Variants in RAPGEF3 observed in about 807,000 individuals in gnomAD.
RAPGEF3 encodes 9330170P05Rik.
A neutral mutation model predicts 129.8 loss-of-function variants in RAPGEF3; 103 were observed. The observed-to-expected ratio is 0.79, with a 90% CI of 0.68 to 0.93. The LOEUF is 0.93. RAPGEF3 is among the 40% of genes least tolerant of loss of function. The pLI, the probability that RAPGEF3 is intolerant of heterozygous loss-of-function variation, is 0.00. For synonymous variants in RAPGEF3, 436 were observed against 482.6 expected (o/e 0.90, Z 1.26); for missense variants, 1,117 against 1,207.4 (o/e 0.93, Z 1.11).
At chr12:47,753,600 G>A (rs1450202839) in intron 2 of RAPGEF3, among the ~76,000 whole-genome samples, 5 of 152,250 alleles carry the variant, frequency 3.3e-5, no homozygotes, top group African/African-American at 4.8e-5. Context: ...GCCAGACACA[G>A]AGCCCTGGAG....
rs763245654 is a variant in RAPGEF3, at chr12:47,751,770, G to C, written c.333C>G (p.Thr111=). 1 of 1,613,824 alleles carries C rather than the reference G, an allele frequency of 6.2e-7. No homozygotes were observed. Among genetic ancestry groups the C allele is most frequent in the African/African-American group, 1.3e-5 (1 of 74,932 alleles). ...GRQLHRHLLA[T]CPNLIRDRKY... ...TCCGGTCTCGGATGAGGTTTGGGCA[G>C]GTGGCCAGCAGATGCCGATGCAGCT... The change falls in exon 4 of 28, where the codon ACC becomes ACG. Residue 111 remains threonine, a synonymous_variant. Transcript: ENST00000449771.
chr12:47,750,584 C>T (rs1941687369), intron 6 of RAPGEF3, among the ~76,000 whole-genome samples, 159 bp from the exon 7 acceptor site: 1 of 152,292 alleles, frequency 6.6e-6, no homozygotes, highest in Middle Eastern at 3.4e-3. Context: ...CATGTGGCAG[C>T]GCTTGTGATG....
chr12:47,739,094 G>T, intron 24 of RAPGEF3, 49 bp downstream of exon 24: 1 of 1,443,774 alleles, frequency 6.9e-7, no homozygotes, highest in Non-Finnish European at 9.6e-7. Flanking sequence ...AATGGGGGAT[G>T]GAGGCAGGAA....
intron 16 of RAPGEF3, chr12:47,746,532 G>A (rs757673498): frequency 1.5e-5 from 10 of 647,546 alleles, no homozygotes; most frequent in East Asian, 1.5e-4. Context: ...CAGGAGCCCC[G>A]TGGGCCTCAG....
At chr12:47,757,168 A>G (rs11168228) in intron 2 of RAPGEF3, among the ~76,000 whole-genome samples, 52,153 of 151,630 alleles carry the variant, frequency 0.34, 9,430 homozygotes, top group South Asian at 0.53. Context: ...AAGCTAAGCT[A>G]CTCTATTTAG....
At chr12:47,744,339 T>G in intron 16 of RAPGEF3, 3 of 427,678 alleles carry the variant, frequency 7.0e-6, no homozygotes, top group South Asian at 4.1e-5. Flanking sequence ...TCCAGAGCAG[T>G]TCTAATATGA....
At chr12:47,754,893 C>T (rs1158080313) in intron 2 of RAPGEF3, among the ~76,000 whole-genome samples, 1 of 152,204 alleles carries the variant, frequency 6.6e-6, no homozygotes, top group Non-Finnish European at 1.5e-5. Context: ...ACTAACTCCC[C>T]TGGCACCAGC....
At chr12:47,758,384 A>C in intron 1 of RAPGEF3, 167 bp downstream of exon 1, 2 of 1,506,048 alleles carry the variant, frequency 1.3e-6, no homozygotes, top group Admixed American at 2.2e-5. Context: ...CCCAGTATGA[A>C]GCTATAGATT....
rs1337328318 is a variant in RAPGEF3 at position 47,758,265 on chromosome 12, C to T, written c.7-187G>A. ...TTCACTGGGGCCTGCCGGTCTGGCG[C>T]ACTTAGGGGTCTCCAGCTGGCTCTT... On this transcript the variant is annotated intron_variant, in intron 1 of 27. Coordinates refer to ENST00000449771, the MANE Select transcript of RAPGEF3 (RefSeq NM_001098531.4). The T allele has an allele frequency of 2.8e-6, 4 of 1,431,682 alleles. No homozygotes were observed. In the African/African-American group the frequency reaches 5.7e-5, roughly 21 times the overall value. 88.7% of individuals were successfully genotyped at this position (1,431,682 alleles called of 1,614,324 possible).
At chr12:47,755,277 T>G (rs1223299659) in intron 2 of RAPGEF3, among the ~76,000 whole-genome samples, 1 of 152,220 alleles carries the variant, frequency 6.6e-6, no homozygotes. Context: ...ATGGAGATGA[T>G]GACATTAGTA....
rs139231646 is a variant in RAPGEF3 at position 47,740,769 on chromosome 12, C to T, written c.2104G>A (p.Ala702Thr). The change falls in exon 21 of 28, where the codon GCC becomes ACC. Residue 702 changes from alanine to threonine, a missense_variant. Physicochemically the swap from Ala to Thr is moderately conservative, Grantham distance 58. Around this residue, in one of 3 missense-constraint regions of RAPGEF3, gnomAD observed 643 missense variants for 673.4 expected, o/e 0.95. Coordinates refer to ENST00000449771, the MANE Select transcript of RAPGEF3 (RefSeq NM_001098531.4). Reference sequence around the variant, plus strand: ...CGGCGCATGAAGCGCTCCAGGTTGGCGGTGGTGACATCCCGCAGATGCTGG... The same window carrying T: ...CGGCGCATGAAGCGCTCCAGGTTGGTGGTGGTGACATCCCGCAGATGCTGG... ...GPQHLRDVTT[A>T]NLERFMRRFN... 7.9e-5 allele frequency: 128 copies of T among 1,613,918 alleles called. 1 individual carries two copies. The Admixed American group carries it at 1.4e-3, about 18-fold the overall frequency.
At chr12:47,758,318 C>G in intron 1 of RAPGEF3, 2 of 1,434,972 alleles carry the variant, frequency 1.4e-6, no homozygotes, top group Non-Finnish European at 1.8e-6. Context: ...TCTTAGTCCT[C>G]TTTGGAATTC....
Position 47,751,714 on chromosome 12 carries a change from T to C in RAPGEF3, c.380+9A>G, listed in dbSNP as rs1358395234. On this transcript the variant is annotated intron_variant, in intron 4 of 27. Coordinates refer to ENST00000449771, the MANE Select transcript of RAPGEF3 (RefSeq NM_001098531.4). ...GGCTGGGCAAGGAGGCAGCAGGGCC[T>C]CCACTCACCGATAGAGCCTAAGGTG... is the stretch of plus-strand genomic sequence containing the variant. 6.2e-7 allele frequency: 1 copy of C among 1,611,812 alleles called. No homozygotes were observed.
intron 18 of RAPGEF3, 162 bp from the exon 19 acceptor site, chr12:47,741,764 C>T (rs916723796): frequency 4.0e-5 from 25 of 622,910 alleles, no homozygotes; most frequent in Non-Finnish European, 7.0e-5. Context: ...TGCATGTGCC[C>T]ACGCAGCCAC....
In RAPGEF3 at chr12:47,747,997, C is replaced by A. The variant is rs999885951; in HGVS notation, c.1322+77G>T. The A allele has an allele frequency of 1.2e-5, 19 of 1,555,950 alleles. 1 individual carries two copies. In the South Asian group the frequency reaches 2.2e-4, roughly 18 times the overall value. On this transcript the variant is annotated intron_variant, in intron 13 of 27. Coordinates refer to ENST00000449771, the MANE Select transcript of RAPGEF3 (RefSeq NM_001098531.4). The stretch of plus-strand genomic sequence containing the variant: ...GCATTTAAAGGGCTCAGCACAGCCA[C>A]GCTGGTGAGATTTTCTCTCAACCCC...
chr12:47,739,035 G>A, intron 24 of RAPGEF3, 108 bp downstream of exon 24: 2 of 997,546 alleles, frequency 2.0e-6, no homozygotes, highest in South Asian at 1.5e-5. Flanking sequence ...AACAGAGTGG[G>A]TGCACACACA....
At chr12:47,743,207 A>G (rs564408535) in intron 18 of RAPGEF3, among the ~76,000 whole-genome samples, 1 of 152,376 alleles carries the variant, frequency 6.6e-6, no homozygotes, top group Admixed American at 6.5e-5. Flanking sequence ...CAATTCCTCC[A>G]GGAGGCAAGT....
At chr12:47,753,471 AC>A (rs1941874399) in intron 2 of RAPGEF3, among the ~76,000 whole-genome samples, 1 of 152,210 alleles carries the variant, frequency 6.6e-6, no homozygotes, top group Non-Finnish European at 1.5e-5. Context: ...GCATCTTGGC[AC>A]TGCGTGCCCA....
In RAPGEF3 at chr12:47,751,487, C is replaced by A; in HGVS notation, c.414G>T (p.Gly138=). The A allele has an allele frequency of 6.2e-7, 1 of 1,614,200 alleles. No individual in the cohort carries two copies. Among genetic ancestry groups the A allele is most frequent in the South Asian group, 1.1e-5 (1 of 91,082 alleles). ...GGACCCCAAGTCCCAGGGCCAAGAT[C>A]CCATCCACCAGCTCCCGGCCAGAGC... The part of the protein sequence containing the change: ...QCCSGRELVD[G]ILALGLGVHS... Residue 138 remains glycine (G), a synonymous_variant, in exon 5 of 28, where the codon GGG becomes GGT. Transcript: ENST00000449771.
Sources: gnomAD v4.1 joint callset for allele counts (sites outside exome capture counted in the v4.1 genomes callset) on GRCh38, gnomAD v4.1.1 for gene constraint, gnomAD v4.1.1 regional missense constraint, MANE v1.5 for transcripts, NCBI Gene and HGNC (gene_info 2026-07-23, HGNC 2026-07-21) for gene names.